GRM7: variants seen among roughly 807,000 people sequenced by gnomAD.
The protein encoded by GRM7 is glutamate metabotropic receptor 7.
GRM7 carries 35 observed loss-of-function variants against 84.5 expected under a neutral mutation model. The observed-to-expected ratio is 0.41, with a 90% CI of 0.32 to 0.55. GRM7 has a LOEUF of 0.55. Ranked by LOEUF, GRM7 falls within the 20% of genes least tolerant of loss-of-function variation. The pLI, the probability that GRM7 is intolerant of heterozygous loss-of-function variation, is 0.19. For synonymous variants in GRM7, 487 were observed against 455.1 expected, an observed-to-expected ratio of 1.07 and a Z score of -0.89; for missense variants, 1,003 against 1,194.6, an observed-to-expected ratio of 0.84 and a Z score of 2.36.
rs1333507198 is a variant in GRM7 at position 7,093,700 on chromosome 3, AAAAAAAAAAAAAAAG to A, written c.520-52751_520-52737del. 1.2e-3 allele frequency among the ~76,000 whole-genome samples: 120 copies of A among 96,528 alleles called. 4 individuals carry two copies. The highest frequency in any genetic ancestry group is 2.5e-3 in the African/African-American group (61 of 24,798). 63.3% of individuals were successfully genotyped at this position (96,528 alleles called of 152,430 possible). A position where few individuals can be genotyped will look rare whatever the true frequency, so the allele number is the denominator to read the frequency against. Reference sequence around the variant, plus strand: ...TCAAAAAAAAAAAAAAAAAAAAAAAAAAAAAAAAAAAAAAGGTAGTTAGTGGCCTTTGCTCTTTTA... The same window carrying A: ...TCAAAAAAAAAAAAAAAAAAAAAAAAGTAGTTAGTGGCCTTTGCTCTTTTA... On this transcript the variant is annotated intron_variant, in intron 1 of 9. Coordinates refer to ENST00000357716, the MANE Select transcript of GRM7 (RefSeq NM_000844.4).
intron 5 of GRM7, among the ~76,000 whole-genome samples, chr3:7,444,759 T>C (rs1697434796): frequency 6.6e-6 from 1 of 152,144 alleles, no homozygotes; most frequent in Non-Finnish European, 1.5e-5. Context: ...TGCACTTACC[T>C]GAAAATTGAA....
chr3:7,149,415 A>T (rs1694209239), intron 2 of GRM7, among the ~76,000 whole-genome samples: 1 of 152,202 alleles, frequency 6.6e-6, no homozygotes. Context: ...TTGAAGAAAT[A>T]ATCATATATT....
At chr3:7,334,149 C>T (rs531089507) in intron 4 of GRM7, among the ~76,000 whole-genome samples, 42 of 152,028 alleles carry the variant, frequency 2.8e-4, no homozygotes, top group Non-Finnish European at 4.9e-4. Context: ...CACCTAGGCA[C>T]ATAGTTATCA....
intron 1 of GRM7, among the ~76,000 whole-genome samples, chr3:7,053,928 A>C (rs909382996): frequency 1.3e-5 from 2 of 151,240 alleles, no homozygotes; most frequent in Non-Finnish European, 3.0e-5. Context: ...GGATTATAAT[A>C]AATCTGTAAA....
At chr3:7,520,200 G>T (rs573715446) in intron 7 of GRM7, 1 of 152,144 alleles carries the variant, frequency 6.6e-6, no homozygotes. Flanking sequence ...TATAAAGAAA[G>T]CATGTGGAAC....
intron 5 of GRM7, among the ~76,000 whole-genome samples, chr3:7,435,593 A>G (rs1172244753): frequency 6.6e-6 from 1 of 151,066 alleles, no homozygotes; most frequent in Non-Finnish European, 1.5e-5. Context: ...GCTCGCTGCA[A>G]CCTCAGCCTC....
At chr3:7,435,250 A>T (rs552315888) in intron 5 of GRM7, among the ~76,000 whole-genome samples, 1 of 150,316 alleles carries the variant, frequency 6.7e-6, no homozygotes, top group Non-Finnish European at 1.5e-5. Context: ...TGTGGCCTTG[A>T]CTTCCAGGGC....
At chr3:7,530,496 C>G (rs1700994893) in intron 7 of GRM7, among the ~76,000 whole-genome samples, 1 of 152,096 alleles carries the variant, frequency 6.6e-6, no homozygotes, top group South Asian at 2.1e-4. Context: ...ATTTCTGGTT[C>G]TAGATCCTTG....
intron 8 of GRM7, among the ~76,000 whole-genome samples, chr3:7,649,471 A>G (rs573616096): frequency 1.3e-5 from 2 of 152,298 alleles, no homozygotes; most frequent in African/African-American, 4.8e-5. Context: ...GTTTCAAAAA[A>G]TATTAAATTT....
At position 7,322,831 on chromosome 3, in the gene GRM7, A is replaced by G. The variant is rs182287236; in HGVS notation, c.1033+16179A>G. ...GAGTGGGAGATGTACGAGTTGAAGCACAAAATTCGTTATCCTCTTTTGAAA... is the reference window on the plus strand; with the variant it reads ...GAGTGGGAGATGTACGAGTTGAAGCGCAAAATTCGTTATCCTCTTTTGAAA... On this transcript the variant is annotated intron_variant, in intron 4 of 9. Transcript: ENST00000357716. Among the ~76,000 whole-genome samples, 248 of 152,130 alleles carry G rather than the reference A, an allele frequency of 1.6e-3. 1 individual carries two copies. The highest frequency in any genetic ancestry group is 5.7e-3 in the African/African-American group (237 of 41,520).
chr3:6,888,248 T>C lies in GRM7; in HGVS notation c.519+26341T>C, dbSNP rs1695782574. The stretch of plus-strand genomic sequence containing the variant: ...CTCTTTAGTTTAATTAGATCCCATT[T>C]GTCAATTTTGTCTTTTGTTGCCATT... On this transcript the variant is annotated intron_variant, in intron 1 of 9. Transcript: ENST00000357716. Among the ~76,000 whole-genome samples, 6 of 152,180 alleles carry C rather than the reference T, an allele frequency of 3.9e-5. No individual in the cohort carries two copies. In the South Asian group the frequency reaches 1.2e-3, roughly 32 times the overall value.
At chr3:7,343,636 A>G (rs993149074) in intron 4 of GRM7, among the ~76,000 whole-genome samples, 2 of 152,194 alleles carry the variant, frequency 1.3e-5, no homozygotes, top group African/African-American at 4.8e-5. Flanking sequence ...GTCATAGTGA[A>G]GAAAGACTAA....
intron 1 of GRM7, among the ~76,000 whole-genome samples, chr3:6,882,290 C>T (rs965539370): frequency 2.4e-4 from 37 of 152,064 alleles, no homozygotes; most frequent in South Asian, 4.1e-4. Flanking sequence ...TTGGAAAATT[C>T]GGGAAATCTA....
At chr3:7,223,316 GA>G (rs1376213378) in intron 2 of GRM7, among the ~76,000 whole-genome samples, 1 of 151,662 alleles carries the variant, frequency 6.6e-6, no homozygotes, top group Non-Finnish European at 1.5e-5. Flanking sequence ...TTTTCCCCCT[GA>G]ATGCTGAAAC....
intron 8 of GRM7, among the ~76,000 whole-genome samples, chr3:7,593,362 T>G (rs1695882283): frequency 6.6e-6 from 1 of 152,204 alleles, no homozygotes; most frequent in South Asian, 2.1e-4. Context: ...AGCCACCATG[T>G]GCCAGGTACA....
intron 7 of GRM7, among the ~76,000 whole-genome samples, chr3:7,471,454 G>A (rs1303685816): frequency 6.6e-6 from 1 of 152,144 alleles, no homozygotes; most frequent in Non-Finnish European, 1.5e-5. Context: ...GACAGTGGTG[G>A]GTGGATCCCA....
At chr3:7,583,467 G>C (rs556303520) in intron 8 of GRM7, among the ~76,000 whole-genome samples, 17 of 152,278 alleles carry the variant, frequency 1.1e-4, no homozygotes, top group African/African-American at 3.9e-4. Flanking sequence ...GTATAGTCTT[G>C]AAATCTTTCT....
At chr3:7,716,157 T>C (rs1281661209) in intron 9 of GRM7, among the ~76,000 whole-genome samples, 1 of 152,012 alleles carries the variant, frequency 6.6e-6, no homozygotes, top group Non-Finnish European at 1.5e-5. Context: ...AATCATGCTG[T>C]GGGGGGGTGT....
At chr3:7,392,086 A>G (rs1049602247) in intron 4 of GRM7, among the ~76,000 whole-genome samples, 1 of 152,148 alleles carries the variant, frequency 6.6e-6, no homozygotes, top group South Asian at 2.1e-4. Context: ...AGACTGTGCT[A>G]TCCCCTCCTT....
Sources: gnomAD v4.1 joint callset for allele counts (sites outside exome capture counted in the v4.1 genomes callset) on GRCh38, gnomAD v4.1.1 for gene constraint, MANE v1.5 for transcripts, NCBI Gene and HGNC (gene_info 2026-07-23, HGNC 2026-07-21) for gene names.